Variants in DNAJC5B observed in about 807,000 individuals in gnomAD.
DNAJC5B encodes DnaJ heat shock protein family (Hsp40) member C5 beta, also known as dnaJ homolog subfamily C member 5B.
A neutral mutation model predicts 24.7 loss-of-function variants in DNAJC5B; 23 were observed. The observed-to-expected ratio is 0.93, with a 90% CI of 0.67 to 1.32. The LOEUF is 1.32. DNAJC5B is among the 40% of genes most tolerant of loss of function. The pLI, the probability that DNAJC5B is intolerant of heterozygous loss-of-function variation, is 0.00. For missense variants in DNAJC5B, 238 were observed against 240.8 expected (o/e 0.99, Z 0.08); for synonymous variants, 101 against 90.1 (o/e 1.12, Z -0.68).
intron 3 of DNAJC5B, among the ~76,000 whole-genome samples, chr8:66,059,826 G>A (rs1807042658): frequency 6.6e-6 from 1 of 152,220 alleles, no homozygotes; most frequent in Non-Finnish European, 1.5e-5. Flanking sequence ...TTGGGTGCTA[G>A]ACTCTGCTGC....
At chr8:66,072,986 G>A (rs1372283150) in intron 3 of DNAJC5B, among the ~76,000 whole-genome samples, 1 of 152,104 alleles carries the variant, frequency 6.6e-6, no homozygotes, top group Non-Finnish European at 1.5e-5. Context: ...AAGGACACCT[G>A]TTACAGCCAC....
chr8:66,047,848 A>G (rs1806756269), intron 2 of DNAJC5B, among the ~76,000 whole-genome samples: 1 of 152,150 alleles, frequency 6.6e-6, no homozygotes, highest in Non-Finnish European at 1.5e-5. Flanking sequence ...TGCCAGGCCC[A>G]CTGGCTGTGG....
chr8:66,040,713 T>G (rs956046281), intron 1 of DNAJC5B, among the ~76,000 whole-genome samples: 3 of 152,130 alleles, frequency 2.0e-5, no homozygotes, highest in African/African-American at 7.2e-5. Flanking sequence ...CTGAGCCAGA[T>G]TTTTGCTTTG....
intron 3 of DNAJC5B, 150 bp downstream of exon 3, chr8:66,051,816 A>C (rs2128959883): frequency 1.5e-6 from 1 of 648,138 alleles, no homozygotes; most frequent in South Asian, 1.9e-5. Context: ...AGGAGTTAGG[A>C]ATGGAAAGGC....
intron 3 of DNAJC5B, among the ~76,000 whole-genome samples, chr8:66,068,553 T>C (rs1031195177): frequency 3.5e-4 from 53 of 151,650 alleles, no homozygotes; most frequent in African/African-American, 1.1e-3. Context: ...GAAGTTTCAT[T>C]AACAAGAAAG....
At chr8:66,099,300 A>G (rs767026564) in intron 5 of DNAJC5B, among the ~76,000 whole-genome samples, 1 of 151,834 alleles carries the variant, frequency 6.6e-6, no homozygotes, top group Non-Finnish European at 1.5e-5. Context: ...GCCATTGAAC[A>G]TTTTTGGGGC....
At chr8:66,086,095 C>T (rs1469232315) in intron 5 of DNAJC5B, among the ~76,000 whole-genome samples, 16 of 152,116 alleles carry the variant, frequency 1.1e-4, no homozygotes, top group Admixed American at 1.0e-3. Context: ...TGCAGTTGTT[C>T]ATTGCAAGTA....
At chr8:66,054,252 C>T (rs1806916158) in intron 3 of DNAJC5B, among the ~76,000 whole-genome samples, 1 of 151,980 alleles carries the variant, frequency 6.6e-6, no homozygotes, top group Non-Finnish European at 1.5e-5. Context: ...GTTTTATAAA[C>T]CTAAGTGCTT....
chr8:66,068,593 A>AC (rs1807274918), intron 3 of DNAJC5B, among the ~76,000 whole-genome samples: 1 of 149,298 alleles, frequency 6.7e-6, no homozygotes, highest in Non-Finnish European at 1.5e-5. Flanking sequence ...ATGGAAAAAG[A>AC]TAAAAAACAT....
At chr8:66,060,697 T>C (rs1807061899) in intron 3 of DNAJC5B, among the ~76,000 whole-genome samples, 1 of 152,242 alleles carries the variant, frequency 6.6e-6, no homozygotes, top group African/African-American at 2.4e-5. Context: ...TGATCCATAC[T>C]GCTACCTAAT....
chr8:66,017,098 G>T (rs1259643801), upstream of DNAJC5B, among the ~76,000 whole-genome samples: 5 of 152,024 alleles, frequency 3.3e-5, no homozygotes, highest in Non-Finnish European at 7.4e-5. Flanking sequence ...GTCTTATAGG[G>T]ATCACCTTAT....
intron 3 of DNAJC5B, chr8:66,056,807 G>A (rs1020373422): frequency 2.6e-5 from 4 of 152,258 alleles, no homozygotes; most frequent in African/African-American, 9.7e-5. Flanking sequence ...CCTGTGCTGA[G>A]ATGAACCAGA....
intron 5 of DNAJC5B, among the ~76,000 whole-genome samples, chr8:66,092,948 T>C (rs964458621): frequency 1.6e-5 from 2 of 128,722 alleles, no homozygotes; most frequent in Admixed American, 7.2e-5. Flanking sequence ...AATAGTTACT[T>C]TTTCAACCCA....
At position 66,100,796 on chromosome 8, in the gene DNAJC5B, G is replaced by GA. The variant is rs201346470; in HGVS notation, c.*773dup. The stretch of plus-strand genomic sequence containing the variant: ...CTGGCTCAGATTAGCCAGACTAAGG[G>GA]AAAAAAAACAGATGAAGGGGTAGAA... On this transcript the variant is annotated 3_prime_UTR_variant, in exon 6 of 6. Coordinates refer to ENST00000276570, the MANE Select transcript of DNAJC5B (RefSeq NM_033105.6). Among the ~76,000 whole-genome samples, 17 of 151,398 alleles carry GA rather than the reference G, an allele frequency of 1.1e-4. No individual in the cohort carries two copies. Among genetic ancestry groups the GA allele is most frequent in the African/African-American group, 2.2e-4 (9 of 41,196 alleles).
intron 4 of DNAJC5B, among the ~76,000 whole-genome samples, chr8:66,079,210 T>G (rs1237904665): frequency 2.0e-5 from 3 of 152,124 alleles, no homozygotes; most frequent in Non-Finnish European, 4.4e-5. Flanking sequence ...ATTTGTTTAT[T>G]TATTACTTTA....
intron 5 of DNAJC5B, among the ~76,000 whole-genome samples, chr8:66,084,759 A>G (rs1807683832): frequency 6.6e-6 from 1 of 152,212 alleles, no homozygotes; most frequent in South Asian, 2.1e-4. Context: ...TTTTACAAAA[A>G]TGTGGTATCC....
chr8:66,058,269 T>G (rs1807009367), intron 3 of DNAJC5B, among the ~76,000 whole-genome samples: 1 of 152,206 alleles, frequency 6.6e-6, no homozygotes, highest in Non-Finnish European at 1.5e-5. Flanking sequence ...AAGTCTGTCT[T>G]TTTTTCTTTA....
At position 66,082,820 on chromosome 8, in the gene DNAJC5B, T is replaced by A. The variant is rs188043997; in HGVS notation, c.505+2272T>A. On this transcript the variant is annotated intron_variant, in intron 5 of 5. Transcript: ENST00000276570. ...AATGAGAAAAAGAAATCACAACAAA[T>A]TGCAAGGCTTAAATACTTAACAATA... Among the ~76,000 whole-genome samples, 645 of 152,088 alleles carry A rather than the reference T, an allele frequency of 4.2e-3. 5 individuals are homozygous for A. The highest frequency in any genetic ancestry group is 0.015 in the African/African-American group (612 of 41,516).
intron 1 of DNAJC5B, among the ~76,000 whole-genome samples, chr8:66,033,047 C>T (rs191839826): frequency 2.0e-5 from 3 of 152,336 alleles, no homozygotes; most frequent in East Asian, 1.9e-4. Flanking sequence ...AGAGCATGGG[C>T]CTTCCCCAAG....
Sources: allele counts gnomAD v4.1 joint callset (sites outside exome capture counted in the v4.1 genomes callset), GRCh38; gene constraint gnomAD v4.1.1; transcripts MANE v1.5; gene names NCBI Gene and HGNC (gene_info 2026-07-23, HGNC 2026-07-21).